The following RBFOX3 variants were observed in gnomAD, a reference collection of about 807,000 sequenced individuals.
RBFOX3 encodes the protein RNA binding fox-1 homolog 3, also known as RNA binding protein fox-1 homolog 3.
A neutral mutation model predicts 48.7 loss-of-function variants in RBFOX3; 17 were observed. The observed-to-expected ratio is 0.35, with a 90% confidence interval of 0.24 to 0.52. The LOEUF is 0.52. Among genes scored for constraint, RBFOX3 ranks in the 20% least tolerant of loss-of-function variants. The pLI, the probability that RBFOX3 is intolerant of heterozygous loss-of-function variation, is 0.94. For synonymous variants in RBFOX3, 212 were observed against 209.5 expected, an observed-to-expected ratio of 1.01 and a Z score of -0.10; for missense variants, 382 against 497.5, an observed-to-expected ratio of 0.77 and a Z score of 2.21.
chr17:79,495,860 G>A (rs1201020546), intron 1 of RBFOX3, among the ~76,000 whole-genome samples: 2 of 151,628 alleles, frequency 1.3e-5, no homozygotes, highest in African/African-American at 4.9e-5. Flanking sequence ...GGAGGTTAAG[G>A]CAGAGGCCCC....
the RBFOX3 span, among the ~76,000 whole-genome samples, chr17:79,624,510 A>T: frequency 6.6e-6 from 1 of 152,154 alleles, no homozygotes; most frequent in East Asian, 1.9e-4. Context: ...TGGAATCTGG[A>T]GACTCAAGTC....
chr17:79,653,249 G>A, the RBFOX3 span, among the ~76,000 whole-genome samples: 10 of 152,128 alleles, frequency 6.6e-5, no homozygotes, highest in African/African-American at 2.4e-4. Flanking sequence ...TCCTGGATGA[G>A]AGCCCTGCAG....
chr17:79,614,173 G>C (rs2093985370), upstream of RBFOX3, among the ~76,000 whole-genome samples: 1 of 152,380 alleles, frequency 6.6e-6, no homozygotes, highest in South Asian at 2.1e-4. Flanking sequence ...TGGGGCCCAA[G>C]ACCCGGGGAA....
intron 2 of RBFOX3, among the ~76,000 whole-genome samples, chr17:79,324,147 G>C (rs966069814): frequency 6.6e-6 from 1 of 152,084 alleles, no homozygotes; most frequent in Non-Finnish European, 1.5e-5. Flanking sequence ...CACCCTCTCA[G>C]GGCCTCCCTG....
chr17:79,382,609 C>T (rs181085601), intron 2 of RBFOX3, among the ~76,000 whole-genome samples: 1 of 152,286 alleles, frequency 6.6e-6, no homozygotes, highest in East Asian at 1.9e-4. Flanking sequence ...TCATGGGCAA[C>T]CCTTTCTTTG....
rs2074944060 is a variant in RBFOX3 at position 79,299,344 on chromosome 17, AGG to A, written c.-74+8378_-74+8379del. Among the ~76,000 whole-genome samples the A allele has an allele frequency of 6.6e-6, 1 of 152,180 alleles. No individual in the cohort carries two copies. The highest frequency in any genetic ancestry group is 2.1e-4 in the South Asian group (1 of 4,822). ...CTGGTTCCTTAAAATGGGACTGTACAGGCAGTCCTCTGGATCTTAGAGTTCTG... is the reference window on the plus strand; with the variant it reads ...CTGGTTCCTTAAAATGGGACTGTACACAGTCCTCTGGATCTTAGAGTTCTG... On this transcript the variant is annotated intron_variant, in intron 3 of 14. Coordinates refer to ENST00000693108, the MANE Select transcript of RBFOX3 (RefSeq NM_001350451.2). The surrounding 1 kb of genome is among the most constrained non-coding windows in gnomAD (Gnocchi z 4.5).
chr17:79,509,860 T>G (rs2083842436), intron 1 of RBFOX3, among the ~76,000 whole-genome samples: 1 of 151,882 alleles, frequency 6.6e-6, no homozygotes, highest in Non-Finnish European at 1.5e-5. Context: ...AGCCTCAGCT[T>G]CCCCAGTTGC....
upstream of RBFOX3, among the ~76,000 whole-genome samples, chr17:79,612,664 T>G (rs2093977730): frequency 6.6e-6 from 1 of 152,248 alleles, no homozygotes; most frequent in African/African-American, 2.4e-5. Context: ...ATAAATGCCG[T>G]GTCTACGAGC....
At chr17:79,571,488 T>A (rs1443844598) in intron 1 of RBFOX3, among the ~76,000 whole-genome samples, 1 of 151,244 alleles carries the variant, frequency 6.6e-6, no homozygotes, top group Non-Finnish European at 1.5e-5. Flanking sequence ...TCATAAGTGT[T>A]TTTCATCTGC....
intron 1 of RBFOX3, among the ~76,000 whole-genome samples, chr17:79,582,662 T>C (rs2093111553): frequency 6.6e-6 from 1 of 151,376 alleles, no homozygotes; most frequent in African/African-American, 2.4e-5. Context: ...CTAGGCATAG[T>C]GGCATATGCC....
rs573344636 is a variant in RBFOX3 at position 79,464,909 on chromosome 17, C to T, written c.-175+17545G>A. ...GAAGCTCAGTGAAGTCGGATGGTCA[C>T]TAACCCGATTTGACAGGTGAAGAGG... On this transcript the variant is annotated intron_variant, in intron 2 of 14. Transcript: ENST00000693108. 2.0e-5 allele frequency among the ~76,000 whole-genome samples: 3 copies of T among 152,350 alleles called. No individual in the cohort carries two copies. The South Asian group carries it at 6.2e-4, about 32-fold the overall frequency.
chr17:79,127,809 G>A (rs765291190), intron 4 of RBFOX3, among the ~76,000 whole-genome samples: 2 of 152,182 alleles, frequency 1.3e-5, no homozygotes, highest in African/African-American at 2.4e-5. Context: ...TAAGAGACCT[G>A]TGACCCCCGA....
the RBFOX3 span, among the ~76,000 whole-genome samples, chr17:79,640,184 A>C: frequency 6.6e-6 from 1 of 152,214 alleles, no homozygotes; most frequent in Non-Finnish European, 1.5e-5. Context: ...AGTATGTGAA[A>C]AGGAAATTAA....
intron 3 of RBFOX3, among the ~76,000 whole-genome samples, chr17:79,253,560 T>C (rs2064311054): frequency 2.0e-5 from 3 of 152,134 alleles, no homozygotes; most frequent in African/African-American, 7.2e-5. Context: ...AAGGAAGATA[T>C]ATATTTTTAA....
chr17:79,142,746 G>A (rs931617062), intron 4 of RBFOX3, among the ~76,000 whole-genome samples: 1 of 152,168 alleles, frequency 6.6e-6, no homozygotes, highest in African/African-American at 2.4e-5. Flanking sequence ...GGGCTCTTAC[G>A]AAGTTGTTGA....
At chr17:79,504,455 G>A (rs1219824692) in intron 1 of RBFOX3, among the ~76,000 whole-genome samples, 1 of 152,170 alleles carries the variant, frequency 6.6e-6, no homozygotes, top group African/African-American at 2.4e-5. Flanking sequence ...CTCTCACTGA[G>A]GGAGACCAGA....
At position 79,311,530 on chromosome 17, in the gene RBFOX3, C is replaced by T. The variant is rs1010451818; in HGVS notation, c.-174-3706G>A. On this transcript the variant is annotated intron_variant, in intron 2 of 14. Coordinates refer to ENST00000693108, the MANE Select transcript of RBFOX3 (RefSeq NM_001350451.2). The surrounding 1 kb of genome is among the most constrained non-coding windows in gnomAD (Gnocchi z 4.2). ...TACAGAGTTCAGATTCGGCAGCCTT[C>T]GCAATAACATGACCTAATTCCTTAA... 1.3e-5 allele frequency among the ~76,000 whole-genome samples: 2 copies of T among 151,990 alleles called. No homozygotes were observed. Among genetic ancestry groups the T allele is most frequent in the South Asian group, 2.1e-4 (1 of 4,818 alleles).
intron 4 of RBFOX3, among the ~76,000 whole-genome samples, chr17:79,141,518 G>T (rs533206642): frequency 1.3e-5 from 2 of 152,250 alleles, no homozygotes; most frequent in South Asian, 2.1e-4. Flanking sequence ...GGTCAGCATG[G>T]GGCCTGAGGT....
intron 4 of RBFOX3, among the ~76,000 whole-genome samples, chr17:79,226,147 C>A (rs189982620): frequency 8.5e-5 from 13 of 152,296 alleles, no homozygotes; most frequent in African/African-American, 1.7e-4. Flanking sequence ...ATTTGGGGAA[C>A]CAGCAAGGTG....
Sources: gnomAD v4.1 joint callset for allele counts (sites outside exome capture counted in the v4.1 genomes callset) on GRCh38, gnomAD v4.1.1 for gene constraint, Gnocchi (gnomAD v3.1) non-coding constraint, MANE v1.5 for transcripts, NCBI Gene and HGNC (gene_info 2026-07-23, HGNC 2026-07-21) for gene names.